WWOX: variants seen among roughly 807,000 people sequenced by gnomAD.
The protein encoded by WWOX is WW domain-containing oxidoreductase.
A neutral mutation model predicts 46.2 loss-of-function variants in WWOX; 69 were observed. The observed-to-expected ratio is 1.49, with a 90% CI of 1.23 to 1.82. WWOX has a LOEUF of 1.82. Among genes scored for constraint, WWOX ranks in the 40% most tolerant of loss-of-function variants. The pLI, the probability that WWOX is intolerant of heterozygous loss-of-function variation, is 0.00. For missense variants in WWOX, 919 were observed against 542.6 expected, an observed-to-expected ratio of 1.69 and a Z score of -6.89; for synonymous variants, 359 against 202.6, an observed-to-expected ratio of 1.77 and a Z score of -6.56.
At chr16:78,704,396 T>A (rs890056231) in intron 8 of WWOX, among the ~76,000 whole-genome samples, 1 of 152,162 alleles carries the variant, frequency 6.6e-6, no homozygotes, top group Non-Finnish European at 1.5e-5. Context: ...TTATCTTTTA[T>A]ACATATAATG....
intron 8 of WWOX, among the ~76,000 whole-genome samples, chr16:78,733,011 C>T (rs1206640600): frequency 1.3e-5 from 2 of 152,226 alleles, no homozygotes; most frequent in African/African-American, 2.4e-5. Flanking sequence ...TTGTCAGGAC[C>T]CATTCCTTTA....
intron 8 of WWOX, among the ~76,000 whole-genome samples, chr16:79,088,351 G>T (rs1048026010): frequency 1.3e-5 from 2 of 152,172 alleles, no homozygotes; most frequent in African/African-American, 4.8e-5. Context: ...GTAGCGGCAG[G>T]AATTTTGCAG....
intron 8 of WWOX, among the ~76,000 whole-genome samples, chr16:78,974,100 A>T (rs1020683248): frequency 1.3e-5 from 2 of 152,120 alleles, no homozygotes; most frequent in Non-Finnish European, 2.9e-5. Flanking sequence ...AGTGTAAAGG[A>T]CTCTCCTCAT....
intron 5 of WWOX, among the ~76,000 whole-genome samples, chr16:78,373,395 C>T (rs1597120814): frequency 6.6e-6 from 1 of 152,172 alleles, no homozygotes; most frequent in South Asian, 2.1e-4. Flanking sequence ...ACGTTTATCT[C>T]ATGGAAGGTT....
In WWOX at chr16:78,145,528, T is replaced by C. The variant is rs189724946; in HGVS notation, c.410-18655T>C. On this transcript the variant is annotated intron_variant, in intron 4 of 8. Transcript: ENST00000566780. The stretch of plus-strand genomic sequence containing the variant: ...GTTGTTCCATCTTCTCCTGCCTGCT[T>C]TTCTCTTGGCTCGCTGGCAGCTGAT... Among the ~76,000 whole-genome samples the C allele has an allele frequency of 4.2e-4, 64 of 152,218 alleles. 1 individual carries two copies. The East Asian group carries it at 6.8e-3, about 16-fold the overall frequency.
intron 8 of WWOX, among the ~76,000 whole-genome samples, chr16:78,639,757 G>A (rs1163313590): frequency 1.3e-5 from 2 of 152,052 alleles, no homozygotes; most frequent in African/African-American, 4.8e-5. Context: ...GTAGAGACAG[G>A]GTTTCACCAT....
intron 8 of WWOX, among the ~76,000 whole-genome samples, chr16:78,989,138 T>G (rs1405929998): frequency 1.3e-5 from 2 of 152,144 alleles, no homozygotes; most frequent in Non-Finnish European, 2.9e-5. Context: ...TATTTAGAGT[T>G]CTGAAGATGC....
intron 6 of WWOX, among the ~76,000 whole-genome samples, chr16:78,424,107 CT>C (rs199817825): frequency 1.2e-3 from 126 of 102,082 alleles, no homozygotes; most frequent in South Asian, 8.3e-3. Flanking sequence ...CTTTTCTTTT[CT>C]TTTTTTTTTT....
At chr16:79,185,205 T>A (rs1321630809) in intron 8 of WWOX, among the ~76,000 whole-genome samples, 1 of 152,332 alleles carries the variant, frequency 6.6e-6, no homozygotes, top group African/African-American at 2.4e-5. Flanking sequence ...TCAGAATACT[T>A]GGACTTACAG....
At chr16:79,006,200 C>T (rs1292648161) in intron 8 of WWOX, among the ~76,000 whole-genome samples, 2 of 152,176 alleles carry the variant, frequency 1.3e-5, no homozygotes, top group East Asian at 3.9e-4. Flanking sequence ...TGGCCTGCGG[C>T]AGGAAAGACT....
chr16:78,947,229 A>T (rs2151298138), intron 8 of WWOX, among the ~76,000 whole-genome samples: 1 of 152,294 alleles, frequency 6.6e-6, no homozygotes, highest in East Asian at 1.9e-4. Context: ...GGAGGCCTGC[A>T]AATGAGTTTG....
chr16:78,365,780 C>G (rs4888789), intron 5 of WWOX, among the ~76,000 whole-genome samples: 2 of 151,820 alleles, frequency 1.3e-5, no homozygotes, highest in African/African-American at 2.4e-5. Flanking sequence ...TTCTGCGTGC[C>G]CCTCCTCTAT....
intron 7 of WWOX, among the ~76,000 whole-genome samples, 164 bp downstream of exon 7, chr16:78,425,219 T>A (rs2151960222): frequency 6.6e-6 from 1 of 152,128 alleles, no homozygotes; most frequent in East Asian, 1.9e-4. Flanking sequence ...TGTTCGCCTG[T>A]GATTGTGGGG....
chr16:78,780,237 C>T (rs1050357332), intron 8 of WWOX, among the ~76,000 whole-genome samples: 1 of 152,144 alleles, frequency 6.6e-6, no homozygotes, highest in Non-Finnish European at 1.5e-5. Context: ...CTTAACATCT[C>T]TGGAAGCTGG....
At chr16:78,770,564 C>G (rs1049467424) in intron 8 of WWOX, among the ~76,000 whole-genome samples, 5 of 152,156 alleles carry the variant, frequency 3.3e-5, no homozygotes, top group Admixed American at 3.3e-4. Context: ...AAACCGCTCT[C>G]TGTGGTGCCA....
At chr16:78,834,559 G>C (rs1428921534) in intron 8 of WWOX, among the ~76,000 whole-genome samples, 4 of 152,110 alleles carry the variant, frequency 2.6e-5, no homozygotes, top group African/African-American at 9.7e-5. Context: ...AAAGGACCAG[G>C]GTCTGCAATG....
chr16:78,349,097 G>A lies in WWOX; in HGVS notation c.517-37763G>A, dbSNP rs922072281. Among the ~76,000 whole-genome samples the A allele has an allele frequency of 3.3e-5, 4 of 119,930 alleles. 1 individual carries two copies. The highest frequency in any genetic ancestry group is 1.1e-4 in the African/African-American group (4 of 35,292). The allele number at this position is 119,930 out of a possible 152,430, so 78.7% of individuals were successfully genotyped here. ...CCTAGAATTCCAAGGTCAAGGTTCC[G>A]GCACAGTTGATGTCTTCTGAGGTCT... is the stretch of plus-strand genomic sequence containing the variant. On this transcript the variant is annotated intron_variant, in intron 5 of 8. Coordinates refer to ENST00000566780, the MANE Select transcript of WWOX (RefSeq NM_016373.4).
chr16:79,031,367 G>A (rs903165030), intron 8 of WWOX, among the ~76,000 whole-genome samples: 1 of 152,086 alleles, frequency 6.6e-6, no homozygotes, highest in Admixed American at 6.5e-5. Flanking sequence ...CACAGCTCCT[G>A]CCTCCTTCTT....
chr16:78,335,457 T>G (rs1378912950), intron 5 of WWOX, among the ~76,000 whole-genome samples: 1 of 152,216 alleles, frequency 6.6e-6, no homozygotes, highest in Non-Finnish European at 1.5e-5. Context: ...GGACATGATC[T>G]CTTTCCTTTT....
Sources: gnomAD v4.1 joint callset for allele counts (sites outside exome capture counted in the v4.1 genomes callset) on GRCh38, gnomAD v4.1.1 for gene constraint, MANE v1.5 for transcripts, NCBI Gene and HGNC (gene_info 2026-07-23, HGNC 2026-07-21) for gene names.